Variants in MED13L observed in about 807,000 individuals in gnomAD.
MED13L encodes mediator complex subunit 13L.
In MED13L, 7 loss-of-function variants were observed where a neutral mutation model predicts 220.9. The ratio of observed to expected loss-of-function variants is 0.03; its 90% confidence interval spans 0.02 to 0.06. MED13L has a LOEUF of 0.06. Ranked by LOEUF, MED13L falls within the 10% of genes least tolerant of loss-of-function variation. The probability of loss-of-function intolerance (pLI) is 1.00; values close to 1 mark genes in which losing one functional copy is unlikely to be tolerated. For synonymous variants in MED13L, 1,011 were observed against 1,015.2 expected (o/e 1.00, Z 0.08); for missense variants, 1,965 against 2,760.5 (o/e 0.71, Z 6.46).
intron 2 of MED13L, among the ~76,000 whole-genome samples, chr12:116,135,903 CTTTTT>C (rs772070607): frequency 1.4e-5 from 2 of 139,906 alleles, no homozygotes; most frequent in African/African-American, 2.6e-5. Flanking sequence ...CAAAGATTCC[CTTTTT>C]TTTTTTTTTT....
In MED13L at chr12:115,971,120, T is replaced by A. The variant is rs184483528; in HGVS notation, c.5891-350A>T. Among the ~76,000 whole-genome samples the A allele has an allele frequency of 1.2e-4, 18 of 152,326 alleles. No individual in the cohort carries two copies. In the East Asian group the frequency reaches 3.5e-3, roughly 29 times the overall value. On this transcript the variant is annotated intron_variant, in intron 26 of 30. Coordinates refer to ENST00000281928, the MANE Select transcript of MED13L (RefSeq NM_015335.5). ...AAGTACTGTTCTAAACGGTTAACAA[T>A]CCTATAGAGATAGGACCATAAAATC...
chr12:116,077,511 A>G (rs781051864), intron 4 of MED13L, among the ~76,000 whole-genome samples: 6 of 152,228 alleles, frequency 3.9e-5, no homozygotes, highest in Non-Finnish European at 7.3e-5. Context: ...ACTGAATGTC[A>G]TAACTGTTAA....
chr12:116,201,613 G>C (rs1882008929), intron 2 of MED13L, among the ~76,000 whole-genome samples: 1 of 152,152 alleles, frequency 6.6e-6, no homozygotes, highest in Non-Finnish European at 1.5e-5. Flanking sequence ...AGGACATCAA[G>C]GAGGCAGGAG....
chr12:115,997,332 T>C (rs566318720), intron 14 of MED13L, 102 bp from the exon 15 acceptor site: 9 of 862,652 alleles, frequency 1.0e-5, no homozygotes, highest in African/African-American at 5.1e-5. Context: ...TAGTGCTAAT[T>C]AAATGATCAC....
chr12:116,165,259 C>CTTTTTTTTTTTTTTTTTT (rs34196219), intron 2 of MED13L, among the ~76,000 whole-genome samples: 1 of 74,486 alleles, frequency 1.3e-5, no homozygotes, highest in African/African-American at 5.9e-5. Flanking sequence ...AGGCACCATC[C>CTTTTTTTTTTTTTTTTTT]TTTTTTTTTT....
intron 2 of MED13L, among the ~76,000 whole-genome samples, chr12:116,212,120 A>G (rs1882732882): frequency 6.6e-6 from 1 of 152,086 alleles, no homozygotes; most frequent in African/African-American, 2.4e-5. Flanking sequence ...AAGTGAAATA[A>G]CATATAACAA....
chr12:115,968,870 C>G (rs983140675), intron 28 of MED13L, 70 bp downstream of exon 28: 1 of 1,569,484 alleles, frequency 6.4e-7, no homozygotes. Context: ...ACAAGATGAT[C>G]AGATGTCCAG....
At chr12:116,028,014 C>A (rs920714121) in intron 4 of MED13L, among the ~76,000 whole-genome samples, 6 of 152,292 alleles carry the variant, frequency 3.9e-5, no homozygotes, top group South Asian at 4.1e-4. Flanking sequence ...AAAGTCCACC[C>A]TCCTTCATTT....
chr12:115,981,012 G>A, intron 22 of MED13L, 74 bp from the exon 23 acceptor site: 4 of 1,314,128 alleles, frequency 3.0e-6, no homozygotes, highest in Non-Finnish European at 4.2e-6. Context: ...TAACAAGCAA[G>A]CTGAAAAAGG....
intron 2 of MED13L, among the ~76,000 whole-genome samples, chr12:116,155,336 T>C (rs1476686415): frequency 1.3e-5 from 2 of 152,120 alleles, no homozygotes; most frequent in South Asian, 2.1e-4. Flanking sequence ...GGTGGGAGGA[T>C]TGCTTGAGCC....
chr12:116,059,563 G>A (rs763676426), intron 4 of MED13L, among the ~76,000 whole-genome samples: 4 of 151,586 alleles, frequency 2.6e-5, no homozygotes, highest in East Asian at 3.9e-4. Flanking sequence ...GATTACAGAC[G>A]CCCGCCACCA....
chr12:116,077,166 T>A (rs1394337279), intron 4 of MED13L, among the ~76,000 whole-genome samples: 1 of 152,238 alleles, frequency 6.6e-6, no homozygotes, highest in African/African-American at 2.4e-5. Flanking sequence ...ATCTACCTGT[T>A]TTCACCTTTA....
chr12:116,102,723 T>C (rs1193509893), intron 3 of MED13L, among the ~76,000 whole-genome samples: 2 of 117,686 alleles, frequency 1.7e-5, no homozygotes, highest in East Asian at 2.5e-4. Flanking sequence ...TTTTTTTTTT[T>C]TTTTTTTTTT....
chr12:116,258,648 G>A (rs1158798464), intron 1 of MED13L, among the ~76,000 whole-genome samples: 2 of 151,916 alleles, frequency 1.3e-5, no homozygotes, highest in Admixed American at 6.6e-5. Flanking sequence ...ATGGTGGCAT[G>A]CACTTGTAGT....
At chr12:115,992,698 T>C (rs1251534918) in intron 16 of MED13L, among the ~76,000 whole-genome samples, 1 of 152,222 alleles carries the variant, frequency 6.6e-6, no homozygotes, top group Non-Finnish European at 1.5e-5. Context: ...GTATCAGAGT[T>C]TCCAGCTTCC....
chr12:116,237,681 G>A lies in MED13L; in HGVS notation c.97C>T (p.Arg33Cys), dbSNP rs1164859305. The A allele has an allele frequency of 3.7e-6, 6 of 1,613,986 alleles. No individual in the cohort carries two copies. Among genetic ancestry groups the A allele is most frequent in the Non-Finnish European group, 5.1e-6 (6 of 1,180,016 alleles). ...CCATGCCCTCCAAAATTGTACCTACGCCATTTGATTCCCGTGAGTTCAGCC... is the reference window on the plus strand; with the variant it reads ...CCATGCCCTCCAAAATTGTACCTACACCATTTGATTCCCGTGAGTTCAGCC... ...SLAELTGIKW[R>C]RYNFGGHGDC... The change falls in exon 2 of 31, where the codon CGT (arginine) becomes TGT (cysteine). Residue 33 changes from arginine (R) to cysteine (C), a missense_variant. Arg to Cys is a radical substitution (Grantham distance 180, BLOSUM62 -3). Around this residue, in one of 10 missense-constraint regions of MED13L, gnomAD observed 818 missense variants for 1,041.2 expected, o/e 0.79. Coordinates refer to ENST00000281928, the MANE Select transcript of MED13L (RefSeq NM_015335.5).
intron 20 of MED13L, 42 bp downstream of exon 20, chr12:115,984,138 T>G (rs1181153755): frequency 6.3e-7 from 1 of 1,595,414 alleles, no homozygotes; most frequent in Admixed American, 1.7e-5. Context: ...ATTTGCTATT[T>G]TACTTCTCCA....
chr12:116,175,978 C>T (rs534303172), intron 2 of MED13L, among the ~76,000 whole-genome samples: 1 of 152,198 alleles, frequency 6.6e-6, no homozygotes, highest in Admixed American at 6.5e-5. Flanking sequence ...AGAAAACAGT[C>T]TGGCTAGAGA....
chr12:116,255,059 T>C (rs1028646168), intron 1 of MED13L, among the ~76,000 whole-genome samples: 1 of 152,138 alleles, frequency 6.6e-6, no homozygotes, highest in Non-Finnish European at 1.5e-5. Flanking sequence ...AAAACTTATA[T>C]TGAAATGCAA....
Sources: gnomAD v4.1 joint callset for allele counts (sites outside exome capture counted in the v4.1 genomes callset) on GRCh38, gnomAD v4.1.1 for gene constraint, gnomAD v4.1.1 regional missense constraint, MANE v1.5 for transcripts, NCBI Gene and HGNC (gene_info 2026-07-23, HGNC 2026-07-21) for gene names.